FBXL7: variants seen among roughly 807,000 people sequenced by gnomAD.
The protein encoded by FBXL7 is F-box and leucine rich repeat protein 7.
A neutral mutation model predicts 38.3 loss-of-function variants in FBXL7; 12 were observed. That is an observed-to-expected ratio of 0.31 (90% confidence interval 0.20 to 0.51). The LOEUF (loss-of-function observed/expected upper bound fraction) is 0.51. Among genes scored for constraint, FBXL7 ranks in the 20% least tolerant of loss-of-function variants. The probability of loss-of-function intolerance (pLI) is 0.98; values close to 1 mark genes in which losing one functional copy is unlikely to be tolerated. For synonymous variants in FBXL7, 297 were observed against 300.9 expected (o/e 0.99, Z 0.13); for missense variants, 567 against 676.4 (o/e 0.84, Z 1.79).
chr5:15,848,714 C>T (rs761002289), intron 2 of FBXL7, among the ~76,000 whole-genome samples: 3 of 152,128 alleles, frequency 2.0e-5, no homozygotes, highest in Admixed American at 2.0e-4. Context: ...TAAGAGAGAA[C>T]TTTAAGTCAA....
chr5:15,505,814 A>T (rs1736628707), intron 1 of FBXL7, among the ~76,000 whole-genome samples: 1 of 152,142 alleles, frequency 6.6e-6, no homozygotes, highest in Non-Finnish European at 1.5e-5. Context: ...ACTGTGATGA[A>T]CCGAGGGACA....
chr5:15,828,584 A>G (rs757286167), intron 2 of FBXL7, among the ~76,000 whole-genome samples: 1 of 152,198 alleles, frequency 6.6e-6, no homozygotes, highest in Admixed American at 6.5e-5. Context: ...ACCTTCTGAG[A>G]TGGCTTCTTG....
intron 2 of FBXL7, among the ~76,000 whole-genome samples, chr5:15,719,131 G>T (rs562442204): frequency 6.6e-6 from 1 of 152,244 alleles, no homozygotes; most frequent in East Asian, 1.9e-4. Flanking sequence ...GATAGCAAAA[G>T]GTTTGAAGGC....
At chr5:15,644,376 G>A (rs1741465098) in intron 2 of FBXL7, among the ~76,000 whole-genome samples, 1 of 151,406 alleles carries the variant, frequency 6.6e-6, no homozygotes, top group South Asian at 2.1e-4. Context: ...TCAGGAGGCT[G>A]AGGCAGGAGA....
chr5:15,939,497 C>T lies in FBXL7; in HGVS notation c.*2311C>T, dbSNP rs985842796. The T allele has an allele frequency of 1.3e-5, 2 of 153,954 alleles. No homozygotes were observed. The highest frequency in any genetic ancestry group is 4.8e-5 in the African/African-American group (2 of 41,542). The allele number at this position is 153,954 out of a possible 1,614,324, so 9.5% of individuals were successfully genotyped here. A position where few individuals can be genotyped will look rare whatever the true frequency, so the allele number is the denominator to read the frequency against. On this transcript the variant is annotated 3_prime_UTR_variant, in exon 4 of 4. Transcript: ENST00000504595. ...ACACTGATTGCCCAGCACATACCGT[C>T]TTGCCAGTTTCTTCTTTTCTCCCAG...
intron 2 of FBXL7, among the ~76,000 whole-genome samples, chr5:15,672,850 C>T (rs565774530): frequency 2.5e-4 from 38 of 152,176 alleles, no homozygotes; most frequent in African/African-American, 7.2e-4. Flanking sequence ...CCACCACACC[C>T]GGCCTGTAAT....
At chr5:15,788,794 C>T (rs560061145) in intron 2 of FBXL7, among the ~76,000 whole-genome samples, 2 of 152,152 alleles carry the variant, frequency 1.3e-5, no homozygotes, top group Non-Finnish European at 2.9e-5. Flanking sequence ...ATTCTCCTGC[C>T]TCAGCCTCCC....
intron 2 of FBXL7, among the ~76,000 whole-genome samples, chr5:15,920,946 A>G (rs1466090851): frequency 2.0e-5 from 3 of 152,162 alleles, no homozygotes; most frequent in Non-Finnish European, 4.4e-5. Context: ...CTATTGCAAA[A>G]GTGTGTGGTC....
At chr5:15,683,476 C>T (rs903038617) in intron 2 of FBXL7, among the ~76,000 whole-genome samples, 5 of 152,188 alleles carry the variant, frequency 3.3e-5, no homozygotes, top group African/African-American at 1.2e-4. Context: ...TGATACACTG[C>T]ATCTGGCCCT....
chr5:15,512,065 C>T (rs1561010586), intron 1 of FBXL7, among the ~76,000 whole-genome samples: 1 of 152,162 alleles, frequency 6.6e-6, no homozygotes. Context: ...TTGGGAAGAT[C>T]AGAGAATCAG....
chr5:15,693,939 C>T (rs912034380), intron 2 of FBXL7, among the ~76,000 whole-genome samples: 6 of 152,184 alleles, frequency 3.9e-5, no homozygotes, highest in Admixed American at 6.5e-5. Flanking sequence ...CCAATTTTTC[C>T]GGTACACTAG....
chr5:15,727,071 A>T (rs1735426198), intron 2 of FBXL7, among the ~76,000 whole-genome samples: 1 of 152,180 alleles, frequency 6.6e-6, no homozygotes, highest in Admixed American at 6.5e-5. Flanking sequence ...TTGAATTTAT[A>T]CCAGCTTGGC....
intron 2 of FBXL7, among the ~76,000 whole-genome samples, chr5:15,715,352 G>A (rs931488688): frequency 1.4e-4 from 21 of 151,876 alleles, no homozygotes; most frequent in African/African-American, 4.8e-4. Context: ...TTAGCTGGGC[G>A]TGATGGCACG....
At chr5:15,934,068 G>A (rs13163051) in intron 3 of FBXL7, among the ~76,000 whole-genome samples, 16,900 of 152,044 alleles carry the variant, frequency 0.11, 1,035 homozygotes, top group Middle Eastern at 0.19. Flanking sequence ...GCAGTGGTGC[G>A]CTCCAGATTT....
intron 2 of FBXL7, among the ~76,000 whole-genome samples, chr5:15,833,682 T>G (rs1326015760): frequency 1.3e-5 from 2 of 152,198 alleles, no homozygotes. Flanking sequence ...CGTTTTTCTG[T>G]GTGATGCACG....
At chr5:15,558,531 A>T (rs1738319784) in intron 1 of FBXL7, among the ~76,000 whole-genome samples, 2 of 152,290 alleles carry the variant, frequency 1.3e-5, no homozygotes, top group South Asian at 2.1e-4. Flanking sequence ...GTTTCTGAGT[A>T]CCCAGCTCAC....
At chr5:15,819,992 G>A (rs1316193523) in intron 2 of FBXL7, among the ~76,000 whole-genome samples, 6 of 152,152 alleles carry the variant, frequency 3.9e-5, no homozygotes, top group Non-Finnish European at 7.3e-5. Context: ...AGGCCAGGCT[G>A]CCTCCATATT....
chr5:15,926,281 G>A (rs981353451), intron 2 of FBXL7, among the ~76,000 whole-genome samples: 8 of 148,610 alleles, frequency 5.4e-5, no homozygotes, highest in African/African-American at 2.0e-4. Flanking sequence ...TATATCCAAC[G>A]TGTATATATG....
At chr5:15,587,588 A>T (rs1739340906) in intron 1 of FBXL7, among the ~76,000 whole-genome samples, 1 of 152,158 alleles carries the variant, frequency 6.6e-6, no homozygotes, top group South Asian at 2.1e-4. Context: ...ATGTGTAGTT[A>T]TCGTTCAAGA....
Sources: gnomAD v4.1 joint callset for allele counts (sites outside exome capture counted in the v4.1 genomes callset) on GRCh38, gnomAD v4.1.1 for gene constraint, MANE v1.5 for transcripts, NCBI Gene and HGNC (gene_info 2026-07-23, HGNC 2026-07-21) for gene names.